The following CMTM8 variants were observed in gnomAD, a reference collection of about 807,000 sequenced individuals.
The protein encoded by CMTM8 is CKLF-like MARVEL transmembrane domain-containing protein 8.
Under a neutral mutation model 18.6 loss-of-function variants are expected in CMTM8, and 12 were observed. That is an observed-to-expected ratio of 0.65 (90% confidence interval 0.41 to 1.05). CMTM8 has a LOEUF of 1.05. Ranked by LOEUF, CMTM8 falls within the 50% of genes least tolerant of loss-of-function variation. The pLI is 0.00. For synonymous variants in CMTM8, 87 were observed against 90.6 expected (o/e 0.96, Z 0.23); for missense variants, 217 against 227.2 (o/e 0.95, Z 0.29).
At position 32,369,991 on chromosome 3, in the gene CMTM8, GAAA is replaced by G; in HGVS notation, c.*31_*33del. The G allele has an allele frequency of 7.4e-7, 1 of 1,359,442 alleles. No homozygotes were observed. Among genetic ancestry groups the G allele is most frequent in the Admixed American group, 2.0e-5 (1 of 50,238 alleles). 84.2% of individuals were successfully genotyped at this position (1,359,442 alleles called of 1,614,324 possible). On this transcript the variant is annotated 3_prime_UTR_variant, in exon 4 of 4. Coordinates refer to ENST00000307526, the MANE Select transcript of CMTM8 (RefSeq NM_178868.5). ...GATTTACCATTTTGATAATTAAAAG[GAAA>G]AAAAAAGGAAGACTCTCACTGTAAA...
chr3:32,282,617 C>T (rs1177822351), intron 1 of CMTM8, among the ~76,000 whole-genome samples: 3 of 152,166 alleles, frequency 2.0e-5, no homozygotes, highest in Non-Finnish European at 4.4e-5. Flanking sequence ...TAACCGACCC[C>T]CTACACCGGT....
intron 1 of CMTM8, among the ~76,000 whole-genome samples, chr3:32,344,086 G>A (rs889072832): frequency 6.6e-6 from 1 of 152,202 alleles, no homozygotes. Flanking sequence ...AAGATATGGC[G>A]ATATTGGTTA....
chr3:32,280,526 A>G (rs1446541175), intron 1 of CMTM8, among the ~76,000 whole-genome samples: 2 of 152,178 alleles, frequency 1.3e-5, no homozygotes, highest in African/African-American at 4.8e-5. Flanking sequence ...GGCTGTAACC[A>G]AGTAACCAGT....
chr3:32,365,098 G>A (rs920167070), intron 2 of CMTM8, among the ~76,000 whole-genome samples: 14 of 152,126 alleles, frequency 9.2e-5, no homozygotes, highest in Non-Finnish European at 1.9e-4. Context: ...TCACCCCGAG[G>A]CTGCCAGACC....
At chr3:32,267,362 A>G (rs887965729) in intron 1 of CMTM8, among the ~76,000 whole-genome samples, 3 of 152,232 alleles carry the variant, frequency 2.0e-5, no homozygotes, top group Non-Finnish European at 4.4e-5. Context: ...AGGATTCCCT[A>G]TTTAATAAAT....
At chr3:32,324,369 C>A (rs561590938) in intron 1 of CMTM8, among the ~76,000 whole-genome samples, 2 of 152,310 alleles carry the variant, frequency 1.3e-5, no homozygotes, top group African/African-American at 4.8e-5. Context: ...AAAAAGGGTT[C>A]CCTGGGCCTT....
intron 1 of CMTM8, among the ~76,000 whole-genome samples, chr3:32,323,555 G>A (rs763969394): frequency 6.6e-6 from 1 of 152,048 alleles, no homozygotes; most frequent in Non-Finnish European, 1.5e-5. Context: ...TGTTGTTCTT[G>A]GACCAGAGAC....
At chr3:32,255,451 A>G (rs1236475890) in intron 1 of CMTM8, among the ~76,000 whole-genome samples, 3 of 152,122 alleles carry the variant, frequency 2.0e-5, no homozygotes, top group South Asian at 2.1e-4. Context: ...ATTCCCACCC[A>G]TATTACTGAA....
At chr3:32,248,380 GAC>G (rs1349509483) in intron 1 of CMTM8, among the ~76,000 whole-genome samples, 2 of 148,612 alleles carry the variant, frequency 1.3e-5, no homozygotes, top group South Asian at 2.1e-4. Flanking sequence ...TTTTTTTTTT[GAC>G]ACACAGTCTC....
chr3:32,359,186 T>G (rs1696871133), intron 2 of CMTM8, among the ~76,000 whole-genome samples: 1 of 152,218 alleles, frequency 6.6e-6, no homozygotes, highest in African/African-American at 2.4e-5. Context: ...TAGTAAGTAC[T>G]GTAGTCGTCT....
chr3:32,245,015 A>G (rs1010858679), intron 1 of CMTM8, among the ~76,000 whole-genome samples: 6 of 152,260 alleles, frequency 3.9e-5, no homozygotes, highest in African/African-American at 1.4e-4. Context: ...TTTATTGATT[A>G]TAATGGGTAG....
intron 1 of CMTM8, among the ~76,000 whole-genome samples, chr3:32,268,411 AG>A (rs1319979499): frequency 6.6e-6 from 1 of 152,148 alleles, no homozygotes; most frequent in Non-Finnish European, 1.5e-5. Flanking sequence ...ACTTGGACAC[AG>A]GAGGGGGAAC....
At chr3:32,341,547 A>C (rs1487234942) in intron 1 of CMTM8, among the ~76,000 whole-genome samples, 1 of 152,156 alleles carries the variant, frequency 6.6e-6, no homozygotes, top group Admixed American at 6.6e-5. Context: ...AGAAGAGTTA[A>C]ATTACTTACG....
chr3:32,304,821 A>C (rs2125565283), intron 1 of CMTM8, among the ~76,000 whole-genome samples: 2 of 152,368 alleles, frequency 1.3e-5, no homozygotes, highest in South Asian at 4.1e-4. Context: ...GCAGTATAAC[A>C]GAAATCAGCA....
At chr3:32,351,728 T>A (rs1400629517) in intron 1 of CMTM8, among the ~76,000 whole-genome samples, 1 of 145,548 alleles carries the variant, frequency 6.9e-6, no homozygotes, top group African/African-American at 2.6e-5. Context: ...AAAAAATATG[T>A]AAAAACTTAA....
intron 1 of CMTM8, among the ~76,000 whole-genome samples, chr3:32,286,183 C>T (rs1401136023): frequency 2.0e-5 from 3 of 152,160 alleles, no homozygotes; most frequent in South Asian, 2.1e-4. Flanking sequence ...GTAGCACAAA[C>T]GCAGCCAGAG....
rs533089798 is a variant in CMTM8 at position 32,277,093 on chromosome 3, C to T, written c.147+37974C>T. Reference sequence around the variant, plus strand: ...TAGAGATTGGGGTCTCACCATGTTGCCCAGGCCAGTCTTGAGCTCCTGGGC... The same window carrying T: ...TAGAGATTGGGGTCTCACCATGTTGTCCAGGCCAGTCTTGAGCTCCTGGGC... On this transcript the variant is annotated intron_variant, in intron 1 of 3. Transcript: ENST00000307526. 3.9e-5 allele frequency among the ~76,000 whole-genome samples: 6 copies of T among 151,938 alleles called. No individual in the cohort carries two copies. The South Asian group carries it at 1.2e-3, about 32-fold the overall frequency.
intron 1 of CMTM8, among the ~76,000 whole-genome samples, chr3:32,338,781 C>G (rs1224626556): frequency 6.6e-6 from 1 of 152,192 alleles, no homozygotes; most frequent in Non-Finnish European, 1.5e-5. Flanking sequence ...TGTTATCACT[C>G]ACGGTGTCTG....
chr3:32,269,535 G>A (rs1702403357), intron 1 of CMTM8, among the ~76,000 whole-genome samples: 1 of 152,108 alleles, frequency 6.6e-6, no homozygotes, highest in Admixed American at 6.5e-5. Flanking sequence ...AGTTAACTAG[G>A]TCACTGGTTA....
Sources: gnomAD v4.1 joint callset for allele counts (sites outside exome capture counted in the v4.1 genomes callset) on GRCh38, gnomAD v4.1.1 for gene constraint, MANE v1.5 for transcripts, NCBI Gene and HGNC (gene_info 2026-07-23, HGNC 2026-07-21) for gene names.